The following STK3 variants were observed in gnomAD, a reference collection of about 807,000 sequenced individuals.
The protein encoded by STK3 is serine/threonine-protein kinase 3.
Under a neutral mutation model 58.0 loss-of-function variants are expected in STK3, and 41 were observed. The ratio of observed to expected loss-of-function variants is 0.71; its 90% CI spans 0.55 to 0.92. The LOEUF (loss-of-function observed/expected upper bound fraction) is 0.92, where lower values mean the gene tolerates loss of function less well. STK3 is among the 40% of genes least tolerant of loss of function. STK3 has a pLI of 0.00. For synonymous variants in STK3, 170 were observed against 191.0 expected, an observed-to-expected ratio of 0.89 and a Z score of 0.91; for missense variants, 479 against 602.7, an observed-to-expected ratio of 0.79 and a Z score of 2.15.
At chr8:98,408,155 C>T (rs932712721) in intron 3 of STK3, among the ~76,000 whole-genome samples, 4 of 152,176 alleles carry the variant, frequency 2.6e-5, no homozygotes, top group African/African-American at 7.2e-5. Context: ...CCTTTAAGAA[C>T]CTCAATTGGC....
At chr8:98,446,900 T>C (rs1416547574) in intron 1 of STK3, among the ~76,000 whole-genome samples, 1 of 152,050 alleles carries the variant, frequency 6.6e-6, no homozygotes, top group African/African-American at 2.4e-5. Flanking sequence ...TAGAATACCA[T>C]GCAGCCATAA....
intron 1 of STK3, among the ~76,000 whole-genome samples, chr8:98,887,833 G>C (rs1838047780): frequency 6.6e-6 from 1 of 152,190 alleles, no homozygotes; most frequent in South Asian, 2.1e-4. Flanking sequence ...ATGTAGGCCT[G>C]GACAAAGTAC....
chr8:98,593,809 A>G (rs1208950730), intron 7 of STK3, among the ~76,000 whole-genome samples: 2 of 152,176 alleles, frequency 1.3e-5, no homozygotes, highest in Non-Finnish European at 2.9e-5. Flanking sequence ...GATAAGACAT[A>G]CAAAACTCCT....
intron 10 of STK3, among the ~76,000 whole-genome samples, chr8:98,525,395 T>C (rs550175613): frequency 6.8e-6 from 1 of 146,586 alleles, no homozygotes; most frequent in Admixed American, 6.8e-5. Flanking sequence ...CATGTAAATT[T>C]AAAAAACAGC....
At chr8:98,889,073 C>G (rs1257909594) in intron 1 of STK3, among the ~76,000 whole-genome samples, 2 of 152,194 alleles carry the variant, frequency 1.3e-5, no homozygotes, top group Admixed American at 6.5e-5. Context: ...ACAGAGCGAC[C>G]CTGCAGCCCT....
intron 2 of STK3, among the ~76,000 whole-genome samples, chr8:98,770,385 A>G (rs1006495152): frequency 2.6e-5 from 4 of 152,218 alleles, no homozygotes; most frequent in Admixed American, 1.3e-4. Flanking sequence ...AGAACCCTAA[A>G]GAATATGTGT....
At chr8:98,778,144 A>G (rs1442740151) in intron 1 of STK3, among the ~76,000 whole-genome samples, 1 of 152,222 alleles carries the variant, frequency 6.6e-6, no homozygotes, top group East Asian at 1.9e-4. Context: ...ACAAAGGGCT[A>G]ATATCCAGAA....
chr8:98,697,320 A>C (rs1825049902), intron 6 of STK3, among the ~76,000 whole-genome samples: 1 of 152,142 alleles, frequency 6.6e-6, no homozygotes, highest in South Asian at 2.1e-4. Context: ...TCCTGGATTC[A>C]TTAATTTTTT....
At chr8:98,567,257 G>C (rs1812560188) in intron 8 of STK3, among the ~76,000 whole-genome samples, 1 of 152,202 alleles carries the variant, frequency 6.6e-6, no homozygotes, top group African/African-American at 2.4e-5. Flanking sequence ...CTCTGCAGTG[G>C]CGCAAAGTCG....
intron 1 of STK3, among the ~76,000 whole-genome samples, chr8:98,885,619 T>C (rs1323612203): frequency 1.3e-5 from 2 of 152,294 alleles, no homozygotes; most frequent in East Asian, 3.9e-4. Flanking sequence ...TTTGTATTTT[T>C]AGTGGAGACG....
At chr8:98,507,461 G>T (rs935298774) in intron 10 of STK3, among the ~76,000 whole-genome samples, 1 of 152,120 alleles carries the variant, frequency 6.6e-6, no homozygotes, top group Admixed American at 6.6e-5. Flanking sequence ...TACTGTCTCT[G>T]GTGCTCTTTG....
At chr8:98,886,249 C>T (rs1837987091) in intron 1 of STK3, among the ~76,000 whole-genome samples, 1 of 152,078 alleles carries the variant, frequency 6.6e-6, no homozygotes, top group South Asian at 2.1e-4. Context: ...TCAATTGTAC[C>T]AATGTCAACT....
intron 6 of STK3, among the ~76,000 whole-genome samples, chr8:98,650,809 G>A (rs947833877): frequency 9.2e-5 from 14 of 152,330 alleles, no homozygotes; most frequent in Non-Finnish European, 1.6e-4. Flanking sequence ...CATTGCCCAG[G>A]CTTGCTTAGG....
intron 6 of STK3, among the ~76,000 whole-genome samples, chr8:98,668,201 T>A (rs1163514763): frequency 6.6e-6 from 1 of 152,202 alleles, no homozygotes; most frequent in Non-Finnish European, 1.5e-5. Context: ...ACAGGTAAGA[T>A]GAGGTGTACA....
chr8:98,371,460 A>G (rs1817610001), exon 3 of STK3: 2 of 152,386 alleles, frequency 1.3e-5, no homozygotes, highest in South Asian at 2.1e-4. Context: ...GTGCTGGAGC[A>G]GGGCTTTCAT....
chr8:98,643,394 T>C (rs1820168762), intron 6 of STK3, among the ~76,000 whole-genome samples: 1 of 152,156 alleles, frequency 6.6e-6, no homozygotes, highest in Non-Finnish European at 1.5e-5. Context: ...CATGTTCCCA[T>C]CTCACACAGA....
intron 1 of STK3, among the ~76,000 whole-genome samples, chr8:98,892,271 A>G (rs1268445779): frequency 6.6e-6 from 1 of 152,144 alleles, no homozygotes; most frequent in Non-Finnish European, 1.5e-5. Context: ...CTGACAGTAC[A>G]TAGTTCAGGT....
intron 6 of STK3, among the ~76,000 whole-genome samples, chr8:98,625,036 T>C (rs184772422): frequency 6.6e-6 from 1 of 152,226 alleles, no homozygotes; most frequent in East Asian, 1.9e-4. Context: ...GATCGAAAGA[T>C]TGGTAATTAA....
At position 98,428,596 on chromosome 8, in the gene STK3, T is replaced by C; in HGVS notation, n.483+5531A>G. 6.2e-7 allele frequency: 1 copy of C among 1,614,126 alleles called. No homozygotes were observed. The highest frequency in any genetic ancestry group is 2.2e-5 in the East Asian group (1 of 44,844). On this transcript the variant is annotated intron_variant and non_coding_transcript_variant, in intron 3 of 3. Transcript: ENST00000517832. This position sits in a 1 kb window ranked among gnomAD's most constrained non-coding sequence, Gnocchi z 6.7. ...ATGGGGTCCATCATCACCATGTGCCTCAATAGCCTGCCCGATTTCCAAATC... is the reference window on the plus strand; with the variant it reads ...ATGGGGTCCATCATCACCATGTGCCCCAATAGCCTGCCCGATTTCCAAATC...
Sources: gnomAD v4.1 joint callset for allele counts (sites outside exome capture counted in the v4.1 genomes callset) on GRCh38, gnomAD v4.1.1 for gene constraint, Gnocchi (gnomAD v3.1) non-coding constraint, MANE v1.5 for transcripts, NCBI Gene and HGNC (gene_info 2026-07-23, HGNC 2026-07-21) for gene names.